Variants in VOPP1 observed in about 807,000 individuals in gnomAD.
The protein encoded by VOPP1 is VOPP1 WW domain binding protein.
VOPP1 carries 8 observed loss-of-function variants against 23.5 expected under a neutral mutation model. The observed-to-expected ratio is 0.34, with a 90% confidence interval of 0.20 to 0.61. VOPP1 has a LOEUF of 0.61. Among genes scored for constraint, VOPP1 ranks in the 20% least tolerant of loss-of-function variants. VOPP1 has a pLI of 0.78. For synonymous variants in VOPP1, 83 were observed against 97.3 expected (o/e 0.85, Z 0.86); for missense variants, 174 against 238.1 (o/e 0.73, Z 1.77).
At chr7:55,483,822 G>A (rs563690834) in intron 4 of VOPP1, among the ~76,000 whole-genome samples, 211 of 152,278 alleles carry the variant, frequency 1.4e-3, no homozygotes, top group African/African-American at 4.6e-3. Flanking sequence ...GCAACAGTGC[G>A]ATCAGATCAT....
At chr7:55,439,300 G>A (rs1264677802) in intron 4 of VOPP1, among the ~76,000 whole-genome samples, 1 of 152,038 alleles carries the variant, frequency 6.6e-6, no homozygotes, top group Non-Finnish European at 1.5e-5. Flanking sequence ...TGGAAGCCGT[G>A]TGTGGAGAAG....
At chr7:55,520,620 TC>T (rs1303663740) in intron 2 of VOPP1, among the ~76,000 whole-genome samples, 3 of 152,216 alleles carry the variant, frequency 2.0e-5, no homozygotes, top group African/African-American at 7.2e-5. Flanking sequence ...CGAGGAGGCC[TC>T]AGAGACAGGC....
At chr7:55,491,085 T>G (rs10226502) in intron 4 of VOPP1, among the ~76,000 whole-genome samples, 41,865 of 152,056 alleles carry the variant, frequency 0.28, 7,142 homozygotes, top group Non-Finnish European at 0.39. Context: ...GGCAAAAAGC[T>G]GTGCATGTTT....
At chr7:55,461,441 T>C (rs1168311822) in intron 4 of VOPP1, among the ~76,000 whole-genome samples, 1 of 152,174 alleles carries the variant, frequency 6.6e-6, no homozygotes, top group Non-Finnish European at 1.5e-5. Context: ...AGACGGAGTC[T>C]CACTCCGTAG....
At chr7:55,535,751 C>T (rs775554551) in intron 1 of VOPP1, among the ~76,000 whole-genome samples, 3 of 152,198 alleles carry the variant, frequency 2.0e-5, no homozygotes, top group Non-Finnish European at 4.4e-5. Context: ...CTTCCGTGAA[C>T]TTATTTGGTC....
At chr7:55,522,981 T>A (rs1045798132) in intron 1 of VOPP1, among the ~76,000 whole-genome samples, 14 of 152,320 alleles carry the variant, frequency 9.2e-5, no homozygotes, top group African/African-American at 3.4e-4. Context: ...ATGAACATTG[T>A]CTCTGGGATA....
At chr7:55,555,603 C>T (rs1335445272) in intron 1 of VOPP1, among the ~76,000 whole-genome samples, 1 of 152,200 alleles carries the variant, frequency 6.6e-6, no homozygotes, top group Non-Finnish European at 1.5e-5. Flanking sequence ...GGGTATTGTT[C>T]TAAGCAGCCC....
At chr7:55,486,486 G>GT (rs990181201) in intron 4 of VOPP1, among the ~76,000 whole-genome samples, 25 of 152,184 alleles carry the variant, frequency 1.6e-4, no homozygotes, top group African/African-American at 6.0e-4. Flanking sequence ...GAAGTGCCGC[G>GT]TAAGAATAAC....
chr7:55,494,267 C>CACT (rs1793790609), intron 3 of VOPP1, among the ~76,000 whole-genome samples: 1 of 152,210 alleles, frequency 6.6e-6, no homozygotes, highest in East Asian at 1.9e-4. Context: ...GTCTTACACT[C>CACT]AGCACTGAGT....
chr7:55,455,397 A>G (rs945084967), intron 4 of VOPP1, among the ~76,000 whole-genome samples: 2 of 152,220 alleles, frequency 1.3e-5, no homozygotes, highest in Non-Finnish European at 2.9e-5. Flanking sequence ...TATAGATTCA[A>G]TGCAGTCCCT....
At chr7:55,516,833 T>C (rs2129038350) in intron 2 of VOPP1, among the ~76,000 whole-genome samples, 1 of 148,742 alleles carries the variant, frequency 6.7e-6, no homozygotes, top group Admixed American at 6.8e-5. Flanking sequence ...TTTTGGAGAA[T>C]CTTAGCACTT....
At chr7:55,479,248 G>A (rs560880315) in intron 4 of VOPP1, among the ~76,000 whole-genome samples, 26 of 151,588 alleles carry the variant, frequency 1.7e-4, no homozygotes, top group South Asian at 4.2e-4. Context: ...CTGGTGTGCT[G>A]CACCCATTAA....
In VOPP1 at chr7:55,525,789, T is replaced by TA. The variant is rs141901865; in HGVS notation, c.55-4660dup. Among the ~76,000 whole-genome samples the TA allele has an allele frequency of 3.6e-3, 278 of 77,952 alleles. 2 individuals are homozygous for TA. The highest frequency in any genetic ancestry group is 0.011 in the African/African-American group (259 of 24,168). The allele number at this position is 77,952 out of a possible 152,430, so 51.1% of individuals were successfully genotyped here. On this transcript the variant is annotated intron_variant, in intron 1 of 4. Transcript: ENST00000285279. ...TCTCCCTAAAAGGAAAAAACCTCTCTAAAAAAAAAAAAAAAAAAAAAAAAA... is the reference window on the plus strand; with the variant it reads ...TCTCCCTAAAAGGAAAAAACCTCTCTAAAAAAAAAAAAAAAAAAAAAAAAAA...
chr7:55,556,690 AC>A (rs1306273023), intron 1 of VOPP1, among the ~76,000 whole-genome samples: 1 of 148,980 alleles, frequency 6.7e-6, no homozygotes, highest in Non-Finnish European at 1.5e-5. Context: ...GATCTGAGTC[AC>A]ATATGGTTAC....
chr7:55,508,424 C>A (rs1353175066), intron 2 of VOPP1, among the ~76,000 whole-genome samples: 1 of 152,172 alleles, frequency 6.6e-6, no homozygotes, highest in African/African-American at 2.4e-5. Context: ...CACACCACCA[C>A]GCCCAGCTAA....
At chr7:55,569,890 G>C (rs1326521553) in intron 1 of VOPP1, among the ~76,000 whole-genome samples, 1 of 152,136 alleles carries the variant, frequency 6.6e-6, no homozygotes, top group Non-Finnish European at 1.5e-5. Context: ...GGTGCTGGGG[G>C]TGGGAACAGA....
At chr7:55,486,208 G>T (rs949905508) in intron 4 of VOPP1, among the ~76,000 whole-genome samples, 4 of 152,250 alleles carry the variant, frequency 2.6e-5, no homozygotes, top group Non-Finnish European at 4.4e-5. Flanking sequence ...AAGCTTTGTT[G>T]TGAGTAATGT....
At chr7:55,558,450 T>C (rs370602006) in intron 1 of VOPP1, among the ~76,000 whole-genome samples, 2 of 152,210 alleles carry the variant, frequency 1.3e-5, no homozygotes, top group African/African-American at 4.8e-5. Context: ...GACAACTAAA[T>C]GAAAACTCAT....
At chr7:55,543,569 A>T (rs1300634679) in intron 1 of VOPP1, among the ~76,000 whole-genome samples, 1 of 152,090 alleles carries the variant, frequency 6.6e-6, no homozygotes, top group African/African-American at 2.4e-5. Context: ...TATCCTCACC[A>T]TTTATTTTCA....
Sources: gnomAD v4.1 joint callset for allele counts (sites outside exome capture counted in the v4.1 genomes callset) on GRCh38, gnomAD v4.1.1 for gene constraint, MANE v1.5 for transcripts, NCBI Gene and HGNC (gene_info 2026-07-23, HGNC 2026-07-21) for gene names.